FRMD4B: variants seen among roughly 807,000 people sequenced by gnomAD.
FRMD4B encodes FERM domain containing 4B.
A neutral mutation model predicts 141.5 loss-of-function variants in FRMD4B; 74 were observed. The observed-to-expected ratio is 0.52, with a 90% CI of 0.43 to 0.63. FRMD4B has a LOEUF of 0.63. Among genes scored for constraint, FRMD4B ranks in the 30% least tolerant of loss-of-function variants. FRMD4B has a pLI of 0.00. For synonymous variants in FRMD4B, 506 were observed against 467.9 expected (o/e 1.08, Z -1.05); for missense variants, 1,366 against 1,253.4 (o/e 1.09, Z -1.36).
chr3:69,403,567 T>A (rs1331196829), intron 2 of FRMD4B, among the ~76,000 whole-genome samples: 1 of 152,122 alleles, frequency 6.6e-6, no homozygotes, highest in East Asian at 1.9e-4. Context: ...TACTAAACCC[T>A]GAGACTATGA....
intron 8 of FRMD4B, 102 bp from the exon 9 acceptor site, chr3:69,222,025 A>G: frequency 1.4e-6 from 1 of 705,058 alleles, no homozygotes; most frequent in Admixed American, 2.1e-5. Context: ...TGAGAGAGAA[A>G]GCCTTCACCA....
At chr3:69,439,592 T>C (rs988275951) in intron 1 of FRMD4B, among the ~76,000 whole-genome samples, 4 of 152,172 alleles carry the variant, frequency 2.6e-5, no homozygotes, top group African/African-American at 9.7e-5. Flanking sequence ...GTCCCTCCTT[T>C]GAGAAATGCT....
At chr3:69,449,407 G>A (rs1022946425) in intron 1 of FRMD4B, among the ~76,000 whole-genome samples, 14 of 152,182 alleles carry the variant, frequency 9.2e-5, no homozygotes, top group African/African-American at 3.4e-4. Flanking sequence ...AGAGCACTAA[G>A]CTACAAGTAT....
At chr3:69,460,977 T>C (rs1282508525) in intron 1 of FRMD4B, among the ~76,000 whole-genome samples, 2 of 152,244 alleles carry the variant, frequency 1.3e-5, no homozygotes, top group Non-Finnish European at 2.9e-5. Flanking sequence ...ATCTAGACAA[T>C]AATTCTCATA....
At chr3:69,377,859 G>A (rs575408763) in intron 1 of FRMD4B, among the ~76,000 whole-genome samples, 1 of 151,638 alleles carries the variant, frequency 6.6e-6, no homozygotes, top group South Asian at 2.1e-4. Flanking sequence ...TGCCCAGGCT[G>A]GAGTGCAATG....
chr3:69,349,524 T>TAAGCC (rs1703062321), intron 1 of FRMD4B, among the ~76,000 whole-genome samples: 1 of 152,222 alleles, frequency 6.6e-6, no homozygotes, highest in South Asian at 2.1e-4. Flanking sequence ...AAGTCAATCC[T>TAAGCC]AAGCCAAAAG....
chr3:69,420,013 C>T (rs371907840), intron 2 of FRMD4B, among the ~76,000 whole-genome samples: 238 of 152,252 alleles, frequency 1.6e-3, no homozygotes, highest in Middle Eastern at 6.8e-3. Flanking sequence ...CCCACCACCA[C>T]GCCCAGCTAA....
At chr3:69,326,207 T>C (rs1370231016) in intron 1 of FRMD4B, among the ~76,000 whole-genome samples, 3 of 149,228 alleles carry the variant, frequency 2.0e-5, no homozygotes, top group Non-Finnish European at 4.4e-5. Flanking sequence ...TCCTCCCGCC[T>C]CGGCCTCCCA....
chr3:69,439,050 C>T (rs932382467), intron 1 of FRMD4B, among the ~76,000 whole-genome samples: 5 of 72,274 alleles, frequency 6.9e-5, no homozygotes, highest in African/African-American at 2.5e-4. Flanking sequence ...AGTTCGTGTG[C>T]GTGTGTGTGT....
At chr3:69,538,362 G>T (rs931745889) in intron 1 of FRMD4B, among the ~76,000 whole-genome samples, 1 of 152,098 alleles carries the variant, frequency 6.6e-6, no homozygotes, top group African/African-American at 2.4e-5. Context: ...TTAAAATCGG[G>T]TTTGTAACTT....
At chr3:69,536,557 G>C (rs957225675) in intron 1 of FRMD4B, 4 of 707,370 alleles carry the variant, frequency 5.7e-6, no homozygotes, top group East Asian at 5.5e-5. Context: ...GGGGGATGGT[G>C]AGAGGGCAGG....
intron 3 of FRMD4B, among the ~76,000 whole-genome samples, chr3:69,308,822 A>G (rs1253144144): frequency 1.3e-5 from 2 of 151,892 alleles, no homozygotes; most frequent in Non-Finnish European, 2.9e-5. Flanking sequence ...TTTGTTTGTA[A>G]TGTCTCCCCA....
intron 1 of FRMD4B, among the ~76,000 whole-genome samples, chr3:69,372,295 C>T (rs1391491373): frequency 1.3e-5 from 2 of 152,208 alleles, no homozygotes; most frequent in East Asian, 3.8e-4. Flanking sequence ...CTACCTCTGT[C>T]TGTTATGCTG....
chr3:69,361,638 A>C (rs920300930), intron 1 of FRMD4B, among the ~76,000 whole-genome samples: 1 of 152,138 alleles, frequency 6.6e-6, no homozygotes, highest in African/African-American at 2.4e-5. Flanking sequence ...ACTGAGCAAA[A>C]TGTTTTTGAT....
chr3:69,354,113 A>G (rs1295765363), intron 1 of FRMD4B, among the ~76,000 whole-genome samples: 4 of 152,216 alleles, frequency 2.6e-5, no homozygotes, highest in African/African-American at 4.8e-5. Flanking sequence ...CCACTCAGAA[A>G]GAAACTTAGA....
At position 69,381,840 on chromosome 3, in the gene FRMD4B, A is replaced by G. The variant is rs1287977567; in HGVS notation, c.162+3988T>C. 2.6e-5 allele frequency among the ~76,000 whole-genome samples: 4 copies of G among 152,322 alleles called. No homozygotes were observed. The East Asian group carries it at 5.8e-4, about 22-fold the overall frequency. On this transcript the variant is annotated intron_variant, in intron 1 of 22. Coordinates refer to ENST00000398540, the MANE Select transcript of FRMD4B (RefSeq NM_015123.3). The stretch of plus-strand genomic sequence containing the variant: ...GAACATTGTTGGTTGCATTTCAGCC[A>G]AACATTTTGCCTTTCCTCCCTGGCA...
chr3:69,302,376 T>A lies in FRMD4B; in HGVS notation c.383A>T (p.Lys128Ile). The A allele has an allele frequency of 6.2e-7, 1 of 1,609,568 alleles. No homozygotes were observed. Among genetic ancestry groups the A allele is most frequent in the Non-Finnish European group, 8.5e-7 (1 of 1,177,054 alleles). The change falls in exon 4 of 23, where the codon AAA becomes ATA. Residue 128 changes from lysine (K) to isoleucine (I), a missense_variant. Coordinates refer to ENST00000398540, the MANE Select transcript of FRMD4B (RefSeq NM_015123.3). ...AAAGTGCAAAATGGTTGGGCCTGGT[T>A]TCTTGGGCAAATCGTGGTCAAGAAC... ...HRVLDHDLPK[K>I]PGPTILHFAV...
intron 3 of FRMD4B, among the ~76,000 whole-genome samples, chr3:69,305,786 T>C (rs985630221): frequency 1.5e-4 from 23 of 152,220 alleles, no homozygotes; most frequent in Non-Finnish European, 2.5e-4. Context: ...TGTATATTTG[T>C]ATGAACTTGC....
At chr3:69,530,526 G>A (rs1220523232) in intron 1 of FRMD4B, among the ~76,000 whole-genome samples, 1 of 151,316 alleles carries the variant, frequency 6.6e-6, no homozygotes, top group African/African-American at 2.4e-5. Context: ...GGACTTTCCA[G>A]CCATCAGAAT....
Sources: allele counts gnomAD v4.1 joint callset (sites outside exome capture counted in the v4.1 genomes callset), GRCh38; gene constraint gnomAD v4.1.1; transcripts MANE v1.5; gene names NCBI Gene and HGNC (gene_info 2026-07-23, HGNC 2026-07-21).